Variants in CD160 observed in about 807,000 individuals in gnomAD.
The protein encoded by CD160 is CD160 antigen.
Under a neutral mutation model 19.2 loss-of-function variants are expected in CD160, and 11 were observed. The observed-to-expected ratio is 0.57, with a 90% CI of 0.36 to 0.95. The LOEUF (loss-of-function observed/expected upper bound fraction) is 0.95. CD160 is among the 40% of genes least tolerant of loss of function. The probability of loss-of-function intolerance (pLI) is 0.01; values close to 1 mark genes in which losing one functional copy is unlikely to be tolerated. For missense variants in CD160, 182 were observed against 213.2 expected (o/e 0.85, Z 0.91); for synonymous variants, 75 against 81.1 (o/e 0.93, Z 0.40).
chr1:145,720,872 G>C (rs1274508907), intron 1 of CD160, among the ~76,000 whole-genome samples: 1 of 152,214 alleles, frequency 6.6e-6, no homozygotes, highest in African/African-American at 2.4e-5. Flanking sequence ...CAAGACTCCA[G>C]GACCGCCTCC....
chr1:145,735,532 C>T (rs1041327103), intron 4 of CD160, among the ~76,000 whole-genome samples: 1 of 152,016 alleles, frequency 6.6e-6, no homozygotes, highest in African/African-American at 2.4e-5. Context: ...CTGCAGTGAC[C>T]CATGATCATG....
chr1:145,728,755 C>T (rs1029794974), intron 3 of CD160, among the ~76,000 whole-genome samples: 1 of 151,934 alleles, frequency 6.6e-6, no homozygotes, highest in South Asian at 2.1e-4. Context: ...GATCCTCAGG[C>T]GCCCGGCTGA....
chr1:145,729,038 G>A (rs1657177280), intron 3 of CD160, among the ~76,000 whole-genome samples: 1 of 152,148 alleles, frequency 6.6e-6, no homozygotes, highest in Non-Finnish European at 1.5e-5. Context: ...TATAAAATGG[G>A]AAGAGTAATA....
chr1:145,736,153 T>A lies in CD160; in HGVS notation c.538+19T>A, dbSNP rs782565586. Reference sequence around the variant, plus strand: ...CTTCAAGGTATGTCCAAAAGAGCCGTAAGCACCCCAAGCAATGAGGGTGCT... The same window carrying A: ...CTTCAAGGTATGTCCAAAAGAGCCGAAAGCACCCCAAGCAATGAGGGTGCT... On this transcript the variant is annotated intron_variant, in intron 5 of 5. Coordinates refer to ENST00000369288, the MANE Select transcript of CD160 (RefSeq NM_007053.4). 2 of 1,614,136 alleles carry A rather than the reference T, an allele frequency of 1.2e-6. No individual in the cohort carries two copies. Among genetic ancestry groups the A allele is most frequent in the African/African-American group, 2.7e-5 (2 of 75,048 alleles).
rs1657267678 is a variant in CD160, at chr1:145,730,969, G to A, written c.299G>A (p.Ser100Asn). 2 of 1,614,174 alleles carry A rather than the reference G, an allele frequency of 1.2e-6. No individual in the cohort carries two copies. The highest frequency in any genetic ancestry group is 1.7e-5 in the Admixed American group (1 of 60,030). The stretch of plus-strand genomic sequence containing the variant: ...TCATCTCAGTTGATGTTCACCATAA[G>A]CCAAGTCACACCGTTGCACAGTGGG... ...EISSQLMFTI[S>N]QVTPLHSGTY... The change falls in exon 4 of 6, where the codon AGC becomes AAC. Residue 100 changes from serine to asparagine, a missense_variant. Ser to Asn is a conservative substitution (Grantham distance 46). Coordinates refer to ENST00000369288, the MANE Select transcript of CD160 (RefSeq NM_007053.4).
intron 1 of CD160, among the ~76,000 whole-genome samples, chr1:145,723,827 GCACGCCTCCCA>G (rs1656950545): frequency 5.3e-5 from 8 of 151,954 alleles, no homozygotes; most frequent in Non-Finnish European, 8.8e-5. Flanking sequence ...CAGGTGATCC[GCACGCCTCCCA>G]AAGTGCTGGG....
chr1:145,738,224 CTT>C (rs1657574534), intron 5 of CD160: 1 of 299,562 alleles, frequency 3.3e-6, no homozygotes. Context: ...TCTATTGCTT[CTT>C]TGATTGTTCC....
Sources: gnomAD v4.1 joint callset for allele counts (sites outside exome capture counted in the v4.1 genomes callset) on GRCh38, gnomAD v4.1.1 for gene constraint, MANE v1.5 for transcripts, NCBI Gene and HGNC (gene_info 2026-07-23, HGNC 2026-07-21) for gene names.